TTC27: variants seen among roughly 807,000 people sequenced by gnomAD.
TTC27 encodes tetratricopeptide repeat protein 27.
A neutral mutation model predicts 115.9 loss-of-function variants in TTC27; 79 were observed. The observed-to-expected ratio is 0.68, with a 90% confidence interval of 0.57 to 0.82. The LOEUF is 0.82. Ranked by LOEUF, TTC27 falls within the 40% of genes least tolerant of loss-of-function variation. The probability of loss-of-function intolerance (pLI) is 0.00; values close to 1 mark genes in which losing one functional copy is unlikely to be tolerated. For synonymous variants in TTC27, 401 were observed against 356.0 expected, an observed-to-expected ratio of 1.13 and a Z score of -1.42; for missense variants, 1,054 against 993.1, an observed-to-expected ratio of 1.06 and a Z score of -0.82.
At chr2:32,697,010 G>A (rs1017593173) in intron 9 of TTC27, among the ~76,000 whole-genome samples, 1 of 152,118 alleles carries the variant, frequency 6.6e-6, no homozygotes, top group African/African-American at 2.4e-5. Flanking sequence ...ACCCGCCTGG[G>A]TGAAACCCTG....
intron 9 of TTC27, among the ~76,000 whole-genome samples, chr2:32,682,754 C>A (rs1023692801): frequency 6.6e-6 from 1 of 150,632 alleles, no homozygotes; most frequent in African/African-American, 2.4e-5. Flanking sequence ...TTGCAGCCTC[C>A]ACCTCCTGGG....
rs1669471107 is a variant in TTC27 at position 32,762,376 on chromosome 2, G to A, written c.1680+3857G>A. Among the ~76,000 whole-genome samples, 3 of 151,350 alleles carry A rather than the reference G, an allele frequency of 2.0e-5. No individual in the cohort carries two copies. In the South Asian group the frequency reaches 6.3e-4, roughly 32 times the overall value. ...AGAGGTTAGTTTTTTAGGGTAGAAG[G>A]AAGTAGGGCAGTTATAGTGCGAAAC... On this transcript the variant is annotated intron_variant, in intron 13 of 19. Transcript: ENST00000317907.
chr2:32,715,866 GTT>G (rs71407464), intron 10 of TTC27, among the ~76,000 whole-genome samples: 1 of 141,864 alleles, frequency 7.0e-6, no homozygotes. Context: ...CTTTATGTTT[GTT>G]TTTTTTTTTT....
chr2:32,683,959 G>A (rs181144782), intron 9 of TTC27, among the ~76,000 whole-genome samples: 7 of 151,908 alleles, frequency 4.6e-5, no homozygotes, highest in African/African-American at 1.2e-4. Context: ...TTTGTGACCC[G>A]CCTGGCCAAC....
intron 10 of TTC27, among the ~76,000 whole-genome samples, chr2:32,719,465 G>A (rs746967619): frequency 3.9e-5 from 6 of 152,276 alleles, no homozygotes; most frequent in Non-Finnish European, 8.8e-5. Context: ...TCCTTTTATG[G>A]CGTTAGACCA....
At chr2:32,759,837 A>T (rs1046064640) in intron 13 of TTC27, among the ~76,000 whole-genome samples, 2 of 152,258 alleles carry the variant, frequency 1.3e-5, no homozygotes, top group South Asian at 2.1e-4. Context: ...AAGTGGAATC[A>T]TACAATATTT....
At chr2:32,803,808 C>T (rs998893537) in intron 16 of TTC27, among the ~76,000 whole-genome samples, 3 of 152,010 alleles carry the variant, frequency 2.0e-5, no homozygotes, top group Non-Finnish European at 4.4e-5. Context: ...TCAGGAATGA[C>T]CAGCCTGGCC....
chr2:32,680,909 C>T (rs941606974), intron 9 of TTC27, among the ~76,000 whole-genome samples: 1 of 152,062 alleles, frequency 6.6e-6, no homozygotes, highest in African/African-American at 2.4e-5. Context: ...TAAAACTTTT[C>T]CTTTCTTTAA....
At chr2:32,818,548 T>C (rs1329989192) in intron 19 of TTC27, among the ~76,000 whole-genome samples, 1 of 152,234 alleles carries the variant, frequency 6.6e-6, no homozygotes, top group Non-Finnish European at 1.5e-5. Context: ...CTGTGACCGA[T>C]GTAGATTCAG....
intron 15 of TTC27, among the ~76,000 whole-genome samples, chr2:32,784,505 A>G (rs1670285939): frequency 6.6e-6 from 1 of 152,206 alleles, no homozygotes; most frequent in African/African-American, 2.4e-5. Context: ...ATTCTTCACT[A>G]AAGTGCTCTC....
intron 19 of TTC27, 102 bp from the exon 20 acceptor site, chr2:32,820,714 T>C (rs922216687): frequency 2.8e-6 from 3 of 1,075,140 alleles, no homozygotes; most frequent in Non-Finnish European, 3.7e-6. Flanking sequence ...AATTGTATAG[T>C]ATTATTATGC....
At chr2:32,629,473 C>A (rs1230583207) in intron 1 of TTC27, among the ~76,000 whole-genome samples, 1 of 150,028 alleles carries the variant, frequency 6.7e-6, no homozygotes, top group East Asian at 2.0e-4. Context: ...CTCGCTCTGT[C>A]GCCTAGGCTG....
In TTC27 at chr2:32,788,042, A is replaced by T. The variant is rs367846252; in HGVS notation, c.1998+893A>T. Reference sequence around the variant, plus strand: ...AGGGCACTGATGAGACTCTGAACAGATCTCAGTATATTGTGACTGCTGAAA... The same window carrying T: ...AGGGCACTGATGAGACTCTGAACAGTTCTCAGTATATTGTGACTGCTGAAA... On this transcript the variant is annotated intron_variant, in intron 16 of 19. Coordinates refer to ENST00000317907, the MANE Select transcript of TTC27 (RefSeq NM_017735.5). 3.3e-5 allele frequency among the ~76,000 whole-genome samples: 5 copies of T among 152,240 alleles called. No individual in the cohort carries two copies. In the South Asian group the frequency reaches 6.2e-4, roughly 19 times the overall value.
At chr2:32,768,623 T>C (rs1161241418) in intron 13 of TTC27, among the ~76,000 whole-genome samples, 4 of 152,238 alleles carry the variant, frequency 2.6e-5, no homozygotes, top group African/African-American at 9.6e-5. Context: ...CCTGTAGATG[T>C]GGGAGCCTAT....
intron 8 of TTC27, among the ~76,000 whole-genome samples, chr2:32,677,269 T>G (rs984587055): frequency 2.4e-4 from 37 of 152,156 alleles, no homozygotes; most frequent in African/African-American, 8.4e-4. Context: ...TACAACAATT[T>G]GTCGTTTTCC....
intron 4 of TTC27, among the ~76,000 whole-genome samples, chr2:32,641,177 A>G (rs113995648): frequency 0.014 from 2,172 of 152,264 alleles, 25 homozygotes; most frequent in Middle Eastern, 0.027. Flanking sequence ...TTAAATATCT[A>G]TTATATGGTT....
intron 6 of TTC27, among the ~76,000 whole-genome samples, chr2:32,665,314 A>T (rs1057438966): frequency 6.6e-6 from 1 of 152,192 alleles, no homozygotes; most frequent in Admixed American, 6.5e-5. Flanking sequence ...ACACTGGCCA[A>T]GTATAAGTTG....
intron 4 of TTC27, among the ~76,000 whole-genome samples, chr2:32,649,649 A>G (rs747314052): frequency 2.4e-4 from 36 of 151,796 alleles, no homozygotes; most frequent in Admixed American, 4.6e-4. Context: ...GGTTTAAGCA[A>G]TTCTCCTGCC....
chr2:32,756,970 T>C (rs1669255258), intron 12 of TTC27, among the ~76,000 whole-genome samples: 2 of 152,232 alleles, frequency 1.3e-5, no homozygotes, highest in African/African-American at 4.8e-5. Context: ...CTCCAAACTG[T>C]GGACATATGA....
Sources: gnomAD v4.1 joint callset for allele counts (sites outside exome capture counted in the v4.1 genomes callset) on GRCh38, gnomAD v4.1.1 for gene constraint, MANE v1.5 for transcripts, NCBI Gene and HGNC (gene_info 2026-07-23, HGNC 2026-07-21) for gene names.